The following PCDHGA2 variants were observed in gnomAD, a reference collection of about 807,000 sequenced individuals.
PCDHGA2 encodes the protein protocadherin gamma subfamily A, 2.
PCDHGA2 carries 40 observed loss-of-function variants against 59.2 expected under a neutral mutation model. That is an observed-to-expected ratio of 0.68 (90% CI 0.52 to 0.88). The LOEUF (loss-of-function observed/expected upper bound fraction) is 0.88. Ranked by LOEUF, PCDHGA2 falls within the 40% of genes least tolerant of loss-of-function variation. PCDHGA2 has a pLI of 0.00. For missense variants in PCDHGA2, 1,226 were observed against 1,204.0 expected (o/e 1.02, Z -0.27); for synonymous variants, 560 against 526.0 (o/e 1.06, Z -0.89).
chr5:141,372,498 C>T, intron 1 of PCDHGA2: 1 of 1,614,054 alleles, frequency 6.2e-7, no homozygotes, highest in Non-Finnish European at 8.5e-7. Flanking sequence ...GATCTCAGTG[C>T]TCTTCCTCCT....
intron 1 of PCDHGA2, among the ~76,000 whole-genome samples, chr5:141,467,051 T>G (rs988417775): frequency 6.6e-6 from 1 of 151,462 alleles, no homozygotes; most frequent in Non-Finnish European, 1.5e-5. Context: ...TGAATCAATG[T>G]TTTCTTTTTT....
chr5:141,350,658 A>C, intron 1 of PCDHGA2: 11 of 1,614,022 alleles, frequency 6.8e-6, no homozygotes, highest in African/African-American at 2.7e-5. Context: ...TTCGTTGCAA[A>C]AGGCATTGAC....
intron 1 of PCDHGA2, chr5:141,375,646 C>G (rs765389165): frequency 1.2e-6 from 2 of 1,614,228 alleles, no homozygotes; most frequent in Non-Finnish European, 1.7e-6. Flanking sequence ...GCTCCTTCGA[C>G]TATGAGCAGT....
At chr5:141,355,439 G>T in intron 1 of PCDHGA2, 1 of 1,614,108 alleles carries the variant, frequency 6.2e-7, no homozygotes, top group Non-Finnish European at 8.5e-7. Flanking sequence ...CTGAACCCGC[G>T]CAGCGGCACC....
chr5:141,372,235 C>T lies in PCDHGA2; in HGVS notation c.2424+30840C>T. The T allele has an allele frequency of 6.2e-7, 1 of 1,613,342 alleles. No homozygotes were observed. The highest frequency in any genetic ancestry group is 1.7e-5 in the Admixed American group (1 of 60,020). On this transcript the variant is annotated intron_variant, in intron 1 of 3. Coordinates refer to ENST00000394576, the MANE Select transcript of PCDHGA2 (RefSeq NM_018915.4). ...TACCACATTGTGCAGGCCAGCGAGC[C>T]CGGGCTGTTCAGCCTGGGCCTGCGC... is the stretch of plus-strand genomic sequence containing the variant.
chr5:141,508,867 G>A (rs2099872497), intron 3 of PCDHGA2, among the ~76,000 whole-genome samples: 1 of 152,108 alleles, frequency 6.6e-6, no homozygotes. Flanking sequence ...GGGAAAGGCT[G>A]AAGAGGCTGA....
chr5:141,400,230 G>A, intron 1 of PCDHGA2: 3 of 1,613,992 alleles, frequency 1.9e-6, no homozygotes, highest in Non-Finnish European at 2.5e-6. Flanking sequence ...TCTTCCTCCT[G>A]GCCGTGATTC....
At chr5:141,383,879 G>A (rs1196711965) in intron 1 of PCDHGA2, 2 of 1,613,862 alleles carry the variant, frequency 1.2e-6, no homozygotes, top group Non-Finnish European at 1.7e-6. Flanking sequence ...GGTCCTGGTA[G>A]TCTGACAAAG....
chr5:141,404,513 G>C, intron 1 of PCDHGA2: 2 of 1,613,786 alleles, frequency 1.2e-6, no homozygotes, highest in Non-Finnish European at 8.5e-7. Context: ...GTGCTCCTTT[G>C]ACTATGAGCA....
At chr5:141,430,557 G>C (rs1161595629) in intron 1 of PCDHGA2, 5 of 412,906 alleles carry the variant, frequency 1.2e-5, no homozygotes, top group Non-Finnish European at 1.7e-5. Context: ...TTCACCAATC[G>C]GGGAGAGAAA....
Position 141,355,516 on chromosome 5 carries a change from C to T in PCDHGA2, c.2424+14121C>T, listed in dbSNP as rs201107501. On this transcript the variant is annotated intron_variant, in intron 1 of 3. Coordinates refer to ENST00000394576, the MANE Select transcript of PCDHGA2 (RefSeq NM_018915.4). ...CAGATCTCCAAACTGTGTGACAAAC[C>T]TGGAGATTCTTCTAGAAGATACAGT... 1.3e-3 allele frequency: 2,116 copies of T among 1,614,044 alleles called. 6 individuals are homozygous for T. The highest frequency in any genetic ancestry group is 2.2e-3 in the South Asian group (197 of 91,082).
chr5:141,427,193 CTT>C (rs2096998045), intron 1 of PCDHGA2: 3 of 456,614 alleles, frequency 6.6e-6, no homozygotes, highest in Non-Finnish European at 8.8e-6. Context: ...AATCCAAAGA[CTT>C]AATAGACTTC....
intron 1 of PCDHGA2, chr5:141,405,433 T>G (rs539486666): frequency 2.0e-6 from 3 of 1,471,752 alleles, no homozygotes; most frequent in Admixed American, 3.9e-5. Flanking sequence ...TTTTGTTTTG[T>G]TTTTGAGACA....
rs1224943883 is a variant in PCDHGA2 at position 141,493,516 on chromosome 5, G to A, written c.2425-1291G>A. Among the ~76,000 whole-genome samples, 1 of 152,122 alleles carries A rather than the reference G, an allele frequency of 6.6e-6. No individual in the cohort carries two copies. The highest frequency in any genetic ancestry group is 1.5e-5 in the Non-Finnish European group (1 of 68,036). On this transcript the variant is annotated intron_variant, in intron 1 of 3. Coordinates refer to ENST00000394576, the MANE Select transcript of PCDHGA2 (RefSeq NM_018915.4). The surrounding 1 kb of genome is among the most constrained non-coding windows in gnomAD (Gnocchi z 4.3). ...GGCTCCTCATTTCTGAGCAGTCCCC[G>A]CAGCGCAAACTTGGCCAGTTATCCT...
intron 1 of PCDHGA2, chr5:141,346,527 A>G: frequency 4.4e-6 from 7 of 1,581,396 alleles, no homozygotes; most frequent in Non-Finnish European, 6.0e-6. Flanking sequence ...GCTTTAACAC[A>G]TATGTATTTG....
chr5:141,383,350 C>CG (rs766222030), intron 1 of PCDHGA2: 7 of 1,613,870 alleles, frequency 4.3e-6, no homozygotes, highest in Non-Finnish European at 5.9e-6. Context: ...TCCTGGGGTT[C>CG]GGTTTCCGTT....
intron 1 of PCDHGA2, among the ~76,000 whole-genome samples, chr5:141,438,948 G>A (rs2154558298): frequency 6.6e-6 from 1 of 152,142 alleles, no homozygotes; most frequent in Middle Eastern, 3.4e-3. Context: ...TTATAGGCAT[G>A]AGCCACCGCA....
At chr5:141,354,183 T>A (rs910434352) in intron 1 of PCDHGA2, among the ~76,000 whole-genome samples, 12 of 152,266 alleles carry the variant, frequency 7.9e-5, no homozygotes, top group African/African-American at 2.2e-4. Context: ...TTATCTGCAC[T>A]TTATAGTTAT....
intron 1 of PCDHGA2, among the ~76,000 whole-genome samples, chr5:141,466,790 A>C (rs1240777427): frequency 2.0e-5 from 3 of 152,210 alleles, no homozygotes; most frequent in Non-Finnish European, 2.9e-5. Context: ...TTAGTGCCTC[A>C]AACTAGATCC....
Sources: gnomAD v4.1 joint callset for allele counts (sites outside exome capture counted in the v4.1 genomes callset) on GRCh38, gnomAD v4.1.1 for gene constraint, Gnocchi (gnomAD v3.1) non-coding constraint, MANE v1.5 for transcripts, NCBI Gene and HGNC (gene_info 2026-07-23, HGNC 2026-07-21) for gene names.